The following HDAC10 variants were observed in gnomAD, a reference collection of about 807,000 sequenced individuals.
The protein encoded by HDAC10 is histone deacetylase 10.
Under a neutral mutation model 82.3 loss-of-function variants are expected in HDAC10, and 90 were observed. The ratio of observed to expected loss-of-function variants is 1.09; its 90% CI spans 0.92 to 1.30. The LOEUF is 1.30. Among genes scored for constraint, HDAC10 ranks in the 50% most tolerant of loss-of-function variants. The pLI is 0.00. For missense variants in HDAC10, 934 were observed against 876.3 expected, an observed-to-expected ratio of 1.07 and a Z score of -0.83; for synonymous variants, 456 against 391.7, an observed-to-expected ratio of 1.16 and a Z score of -1.94.
In HDAC10 at chr22:50,249,495, C is replaced by A. The variant is rs931452779; in HGVS notation, c.564-41G>T. Reference sequence around the variant, plus strand: ...CAGGGCCAGAGGTCAAAGGTCAGGACCCTCAACAGCTCTACAGCTCCCTGT... The same window carrying A: ...CAGGGCCAGAGGTCAAAGGTCAGGAACCTCAACAGCTCTACAGCTCCCTGT... On this transcript the variant is annotated intron_variant, in intron 6 of 19. Transcript: ENST00000216271. This position sits in a 1 kb window ranked among gnomAD's most constrained non-coding sequence, Gnocchi z 4.4. The A allele has an allele frequency of 6.8e-6, 11 of 1,610,876 alleles. No individual in the cohort carries two copies. The highest frequency in any genetic ancestry group is 9.3e-6 in the Non-Finnish European group (11 of 1,178,850).
chr22:50,250,277 A>G, intron 3 of HDAC10, 117 bp from the exon 4 acceptor site: 1 of 1,214,804 alleles, frequency 8.2e-7, no homozygotes, highest in East Asian at 2.4e-5. Flanking sequence ...GGCCAGCCCC[A>G]GGCTCTGGCA....
At chr22:50,246,442 A>C in intron 16 of HDAC10, 66 bp from the exon 17 acceptor site, 1 of 1,350,338 alleles carries the variant, frequency 7.4e-7, no homozygotes, top group Non-Finnish European at 1.1e-6. Context: ...CCGCAGAGGC[A>C]GAGGTGGAAG....
Position 50,249,824 on chromosome 22 carries a change from C to T in HDAC10, c.494+36G>A, listed in dbSNP as rs1332105950. On this transcript the variant is annotated intron_variant, in intron 5 of 19. Coordinates refer to ENST00000216271, the MANE Select transcript of HDAC10 (RefSeq NM_032019.6). This position sits in a 1 kb window ranked among gnomAD's most constrained non-coding sequence, Gnocchi z 4.4. ...CCTGCGCTGCCCCTTGCTGTGTGGC[C>T]TGGGCCCACCCCCCTGCAGCCAGCC... The T allele has an allele frequency of 1.2e-6, 2 of 1,605,964 alleles. No homozygotes were observed. The highest frequency in any genetic ancestry group is 1.7e-6 in the Non-Finnish European group (2 of 1,174,816).
In HDAC10 at chr22:50,246,087, G is replaced by A. The variant is rs897608681; in HGVS notation, c.1656C>T (p.Thr552=). 1.4e-5 allele frequency: 23 copies of A among 1,603,526 alleles called. No individual in the cohort carries two copies. The highest frequency in any genetic ancestry group is 4.0e-5 in the African/African-American group (3 of 74,716). The stretch of plus-strand genomic sequence containing the variant: ...CCAAGATGCAGCTCAGGAAACCACC[G>A]GTCATCTGTGGGGACAGCAGAGCCC... ...FHVSTPLPVM[T]GGFLSCILGL... Residue 552 remains threonine, a synonymous_variant, in exon 18 of 20, where the codon ACC becomes ACT. Transcript: ENST00000216271.
rs1420162931 is a variant in HDAC10 at position 50,248,147 on chromosome 22, T to G, written c.1082-2A>C. On this transcript the variant is annotated splice_acceptor_variant, in intron 12 of 19. Transcript: ENST00000216271. LOFTEE classifies it high-confidence loss of function. This position sits in a 1 kb window ranked among gnomAD's most constrained non-coding sequence, Gnocchi z 5.4. ...GGCTCATCGGCACAGCGGTCACATC[T>G]AGGGACAGTTCGGAGTCATAGCCAC... The G allele has an allele frequency of 6.3e-7, 1 of 1,589,020 alleles. No individual in the cohort carries two copies. The highest frequency in any genetic ancestry group is 1.3e-5 in the African/African-American group (1 of 74,580).
Position 50,249,360 on chromosome 22 carries a change from G to C in HDAC10, c.658C>G (p.Leu220Val). ...DADAVGRGQG[L>V]GFTVNLPWNQ... ...CAGGGCAGGTTGACAGTGAAGCCGA[G>C]GCCCTGTCCCCGCCCCACTGCGTCT... is the stretch of plus-strand genomic sequence containing the variant. Residue 220 changes from leucine to valine, a missense_variant, in exon 7 of 20, where the codon CTC becomes GTC. Transcript: ENST00000216271. The surrounding 1 kb of genome is among the most constrained non-coding windows in gnomAD (Gnocchi z 4.4). 2 of 1,612,318 alleles carry C rather than the reference G, an allele frequency of 1.2e-6. No homozygotes were observed. Among genetic ancestry groups the C allele is most frequent in the Non-Finnish European group, 1.7e-6 (2 of 1,179,812 alleles).
At position 50,245,676 on chromosome 22, in the gene HDAC10, T is replaced by G. The variant is rs1253125837; in HGVS notation, c.1985A>C (p.Gln662Pro). The change falls in exon 19 of 20, where the codon CAG becomes CCG. Residue 662 changes from glutamine to proline, a missense_variant and splice_region_variant. Physicochemically the swap from Gln to Pro is moderately conservative, Grantham distance 76 (BLOSUM62 -1). Coordinates refer to ENST00000216271, the MANE Select transcript of HDAC10 (RefSeq NM_032019.6). ...GQLEPQWKML[Q>P]CHPHLVA Reference sequence around the variant, plus strand: ...CCATGCCTCCGCAGTCAGCCTCACCTGCAACATCTTCCACTGAGGCTCCAG... The same window carrying G: ...CCATGCCTCCGCAGTCAGCCTCACCGGCAACATCTTCCACTGAGGCTCCAG... 1 of 1,613,008 alleles carries G rather than the reference T, an allele frequency of 6.2e-7. No individual in the cohort carries two copies.
In HDAC10 at chr22:50,250,146, G is replaced by T. The variant is rs538020281; in HGVS notation, c.306C>A (p.Cys102Ter). The change falls in exon 4 of 20, where the codon TGC becomes TGA. Residue 102 changes from cysteine (C) to a stop codon, truncating the protein, a stop_gained. Transcript: ENST00000216271. LOFTEE classifies it high-confidence loss of function. The stretch of plus-strand genomic sequence containing the variant: ...GTCCAGCCCCTGCGGCCAGCCGCGC[G>T]CAGTGAAAGGTACTCTGTGGGCGCA... ...AIYFHPSTFHCARLAAGAGLQ... is the reference protein window; with the variant it reads ...AIYFHPSTFH 1 of 1,612,222 alleles carries T rather than the reference G, an allele frequency of 6.2e-7. No homozygotes were observed. The highest frequency in any genetic ancestry group is 1.1e-5 in the South Asian group (1 of 91,064).
In HDAC10 at chr22:50,249,464, G is replaced by A. The variant is rs373698879; in HGVS notation, c.564-10C>T. The A allele has an allele frequency of 1.1e-5, 18 of 1,612,320 alleles. No homozygotes were observed. The highest frequency in any genetic ancestry group is 1.6e-4 in the Middle Eastern group (1 of 6,084). On this transcript the variant is annotated splice_polypyrimidine_tract_variant and intron_variant, in intron 6 of 19. Coordinates refer to ENST00000216271, the MANE Select transcript of HDAC10 (RefSeq NM_032019.6). The surrounding 1 kb of genome is among the most constrained non-coding windows in gnomAD (Gnocchi z 4.4). ...GGAGAAGTAAAGGACGCTGCCAACAGCCAGCCAGGGCCAGAGGTCAAAGGT... is the reference window on the plus strand; with the variant it reads ...GGAGAAGTAAAGGACGCTGCCAACAACCAGCCAGGGCCAGAGGTCAAAGGT...
chr22:50,247,010 C>A (rs761460327), intron 14 of HDAC10, 44 bp from the exon 15 acceptor site: 4 of 1,308,630 alleles, frequency 3.1e-6, no homozygotes, highest in Admixed American at 2.1e-5. Flanking sequence ...CCAACCAACT[C>A]CCAAGCCAGG....
In HDAC10 at chr22:50,249,249, C is replaced by T. The variant is rs1165323575; in HGVS notation, c.690+79G>A. 33 of 1,204,638 alleles carry T rather than the reference C, an allele frequency of 2.7e-5. 1 individual carries two copies. Among genetic ancestry groups the T allele is most frequent in the Non-Finnish European group, 3.3e-5 (29 of 890,158 alleles). 74.6% of individuals were successfully genotyped at this position (1,204,638 alleles called of 1,614,324 possible). ...GGAGGGGGTGGGTGGGGACCTGGGG[C>T]TTGAGGGTGAACTGTGGGGGAGGGG... On this transcript the variant is annotated intron_variant, in intron 7 of 19. Coordinates refer to ENST00000216271, the MANE Select transcript of HDAC10 (RefSeq NM_032019.6). The surrounding 1 kb of genome is among the most constrained non-coding windows in gnomAD (Gnocchi z 4.4).
rs1396223135 is a variant in HDAC10, at chr22:50,249,030, C to T, written c.756+73G>A. The stretch of plus-strand genomic sequence containing the variant: ...GGACAGCTCATAACCCTCCTCCTGC[C>T]TTCACTGGCGCACTCCAGGCACAAG... On this transcript the variant is annotated intron_variant, in intron 8 of 19. Coordinates refer to ENST00000216271, the MANE Select transcript of HDAC10 (RefSeq NM_032019.6). The surrounding 1 kb of genome is among the most constrained non-coding windows in gnomAD (Gnocchi z 4.4). 11 of 1,462,288 alleles carry T rather than the reference C, an allele frequency of 7.5e-6. No individual in the cohort carries two copies. Among genetic ancestry groups the T allele is most frequent in the African/African-American group, 1.4e-5 (1 of 71,586 alleles). The allele number at this position is 1,462,288 out of a possible 1,614,324, so 90.6% of individuals were successfully genotyped here.
Position 50,249,070 on chromosome 22 carries a change from C to T in HDAC10, c.756+33G>A, listed in dbSNP as rs751889088. On this transcript the variant is annotated intron_variant, in intron 8 of 19. Transcript: ENST00000216271. This position sits in a 1 kb window ranked among gnomAD's most constrained non-coding sequence, Gnocchi z 4.4. ...CCAGGCACAAGGTCCCCCTCCCACCCGGCTGCCCTGGGGGAGCCCTCCGTG... is the reference window on the plus strand; with the variant it reads ...CCAGGCACAAGGTCCCCCTCCCACCTGGCTGCCCTGGGGGAGCCCTCCGTG... 2.5e-5 allele frequency: 39 copies of T among 1,557,140 alleles called. No individual in the cohort carries two copies. Among genetic ancestry groups the T allele is most frequent in the Admixed American group, 7.4e-5 (4 of 54,302 alleles).
chr22:50,250,749 T>G, intron 2 of HDAC10, 22 bp downstream of exon 2: 1 of 1,551,806 alleles, frequency 6.4e-7, no homozygotes, highest in Admixed American at 1.9e-5. Context: ...CCCCCCATCG[T>G]GGGGCCTGCC....
chr22:50,250,125 A>G lies in HDAC10; in HGVS notation c.327T>C (p.Ala109=). 2 of 1,612,676 alleles carry G rather than the reference A, an allele frequency of 1.2e-6. No homozygotes were observed. The highest frequency in any genetic ancestry group is 2.2e-5 in the East Asian group (1 of 44,872). The change falls in exon 4 of 20, where the codon GCT becomes GCC. Residue 109 remains alanine (A), a synonymous_variant. Coordinates refer to ENST00000216271, the MANE Select transcript of HDAC10 (RefSeq NM_032019.6). ...GCACAGCGTCCACCAGCTGCAGTCC[A>G]GCCCCTGCGGCCAGCCGCGCGCAGT... ...TFHCARLAAG[A]GLQLVDAVLT...
In HDAC10 at chr22:50,246,680, C is replaced by T. The variant is rs753997159; in HGVS notation, c.1570G>A (p.Gly524Arg). 1.1e-5 allele frequency: 18 copies of T among 1,611,218 alleles called. No individual in the cohort carries two copies. Among genetic ancestry groups the T allele is most frequent in the South Asian group, 6.6e-5 (6 of 90,998 alleles). ...ATATGCAAGACCTGAGAGTCCTACCCGTCATGGGCGAGGTCTGGAGGCCGG... is the reference window on the plus strand; with the variant it reads ...ATATGCAAGACCTGAGAGTCCTACCTGTCATGGGCGAGGTCTGGAGGCCGG... ...LDRPPDLAHD[G>R]RSLWLNIRGK... The change falls in exon 16 of 20, where the codon GGG (glycine) becomes AGG (arginine). Residue 524 changes from glycine (G) to arginine (R), a missense_variant and splice_region_variant. Transcript: ENST00000216271.
chr22:50,249,965 C>G lies in HDAC10; in HGVS notation c.390-1G>C. 1 of 1,612,550 alleles carries G rather than the reference C, an allele frequency of 6.2e-7. No homozygotes were observed. Among genetic ancestry groups the G allele is most frequent in the South Asian group, 1.1e-5 (1 of 91,074 alleles). On this transcript the variant is annotated splice_acceptor_variant, in intron 4 of 19. Coordinates refer to ENST00000216271, the MANE Select transcript of HDAC10 (RefSeq NM_032019.6). LOFTEE classifies it high-confidence loss of function. This position sits in a 1 kb window ranked among gnomAD's most constrained non-coding sequence, Gnocchi z 4.4. ...CCTCTGGCCATGGTGCCCGGGAGGCCTACGGCGTGAGAGTAGGATTTGGGT... is the reference window on the plus strand; with the variant it reads ...CCTCTGGCCATGGTGCCCGGGAGGCGTACGGCGTGAGAGTAGGATTTGGGT...
intron 3 of HDAC10, 34 bp downstream of exon 3, chr22:50,250,384 TGCATGTGTG>T (rs1490901155): frequency 6.4e-7 from 1 of 1,573,782 alleles, no homozygotes; most frequent in South Asian, 1.1e-5. Context: ...CAAAGGCACG[TGCATGTGTG>T]TCTGCACAGG....
At chr22:50,250,701 C>T in intron 2 of HDAC10, 70 bp downstream of exon 2, 3 of 1,461,968 alleles carry the variant, frequency 2.1e-6, no homozygotes, top group Non-Finnish European at 2.8e-6. Context: ...TCGGGGTAGG[C>T]CCAGGTTCTT....
Sources: allele counts gnomAD v4.1 joint callset, GRCh38; gene constraint gnomAD v4.1.1; non-coding constraint Gnocchi (gnomAD v3.1); transcripts MANE v1.5; gene names NCBI Gene and HGNC (gene_info 2026-07-23, HGNC 2026-07-21).